The following SMCHD1 variants were observed in gnomAD, a reference collection of about 807,000 sequenced individuals.
The protein encoded by SMCHD1 is structural maintenance of chromosomes flexible hinge domain-containing protein 1.
A neutral mutation model predicts 254.7 loss-of-function variants in SMCHD1; 78 were observed. That is an observed-to-expected ratio of 0.31 (90% CI 0.26 to 0.37). The LOEUF is 0.37. Ranked by LOEUF, SMCHD1 falls within the 10% of genes least tolerant of loss-of-function variation. SMCHD1 has a pLI of 1.00. For synonymous variants in SMCHD1, 766 were observed against 794.9 expected (o/e 0.96, Z 0.61); for missense variants, 1,840 against 2,408.1 (o/e 0.76, Z 4.94).
intron 1 of SMCHD1, among the ~76,000 whole-genome samples, chr18:2,662,238 C>T (rs1045528000): frequency 6.7e-6 from 1 of 148,908 alleles, no homozygotes; most frequent in Non-Finnish European, 1.5e-5. Flanking sequence ...AAATAATAGA[C>T]TTATGTGGGA....
intron 5 of SMCHD1, among the ~76,000 whole-genome samples, chr18:2,681,284 G>A (rs2073916978): frequency 6.6e-6 from 1 of 151,844 alleles, no homozygotes; most frequent in Non-Finnish European, 1.5e-5. Flanking sequence ...GTGGTGGTGT[G>A]TGCTGGTAAT....
intron 1 of SMCHD1, among the ~76,000 whole-genome samples, chr18:2,663,192 G>T (rs773876263): frequency 4.6e-5 from 7 of 152,156 alleles, no homozygotes; most frequent in Non-Finnish European, 8.8e-5. Context: ...TGCAGCCTCG[G>T]CTTCCCAGGC....
intron 14 of SMCHD1, 44 bp downstream of exon 14, chr18:2,705,851 C>T: frequency 8.6e-7 from 1 of 1,163,744 alleles, no homozygotes; most frequent in East Asian, 2.4e-5. Context: ...TTCTTGATAA[C>T]ACTTTTGCAT....
chr18:2,674,738 A>G (rs1490649266), intron 5 of SMCHD1, among the ~76,000 whole-genome samples: 2 of 152,222 alleles, frequency 1.3e-5, no homozygotes, highest in Non-Finnish European at 2.9e-5. Flanking sequence ...GTCTTTTGAT[A>G]TTTTAAGCTA....
intron 25 of SMCHD1, 51 bp downstream of exon 25, chr18:2,732,543 GT>G: frequency 8.0e-7 from 1 of 1,254,266 alleles, no homozygotes; most frequent in South Asian, 1.5e-5. Flanking sequence ...TAAATTTTAT[GT>G]TTGTAAGACT....
At chr18:2,684,567 G>A (rs1256755033) in intron 5 of SMCHD1, among the ~76,000 whole-genome samples, 1 of 152,044 alleles carries the variant, frequency 6.6e-6, no homozygotes, top group African/African-American at 2.4e-5. Context: ...TTTAATTGGA[G>A]TGTTTAGATC....
intron 1 of SMCHD1, 54 bp downstream of exon 1, chr18:2,656,315 G>T: frequency 7.2e-7 from 1 of 1,380,204 alleles, no homozygotes; most frequent in African/African-American, 1.5e-5. Flanking sequence ...GCGGGAGGGT[G>T]ATGAGAAACT....
intron 27 of SMCHD1, among the ~76,000 whole-genome samples, chr18:2,739,846 A>G (rs2075315250): frequency 6.6e-6 from 1 of 152,092 alleles, no homozygotes; most frequent in African/African-American, 2.4e-5. Flanking sequence ...GTTACCCAGG[A>G]GGCTGAGGCG....
At chr18:2,709,216 A>G (rs2074607301) in intron 17 of SMCHD1, among the ~76,000 whole-genome samples, 1 of 118,440 alleles carries the variant, frequency 8.4e-6, no homozygotes, top group African/African-American at 3.4e-5. Flanking sequence ...TTGTGTGTGT[A>G]TATATGTGTA....
intron 14 of SMCHD1, 36 bp from the exon 15 acceptor site, chr18:2,706,328 G>C (rs1568189995): frequency 7.2e-7 from 1 of 1,391,810 alleles, no homozygotes; most frequent in East Asian, 2.5e-5. Context: ...GATTTAAATA[G>C]TTTTCTTTGA....
At chr18:2,766,466 T>C (rs573737038) in intron 37 of SMCHD1, among the ~76,000 whole-genome samples, 2 of 152,264 alleles carry the variant, frequency 1.3e-5, no homozygotes, top group Non-Finnish European at 2.9e-5. Context: ...GATATCTCAC[T>C]GAATCAATAG....
chr18:2,692,715 T>A (rs2074206632), intron 7 of SMCHD1, among the ~76,000 whole-genome samples: 1 of 152,368 alleles, frequency 6.6e-6, no homozygotes, highest in South Asian at 2.1e-4. Context: ...AGTCATCTGC[T>A]GGGTGACTGT....
At chr18:2,760,884 G>A (rs1894580630) in intron 35 of SMCHD1, 145 bp downstream of exon 35, 1 of 526,358 alleles carries the variant, frequency 1.9e-6, no homozygotes, top group Non-Finnish European at 3.4e-6. Context: ...GTAATTATTG[G>A]ATGTGAAATA....
chr18:2,746,866 A>G (rs1035993878), intron 29 of SMCHD1, among the ~76,000 whole-genome samples: 4 of 152,300 alleles, frequency 2.6e-5, no homozygotes, highest in Admixed American at 6.5e-5. Flanking sequence ...GCCCAATATT[A>G]ATAGGTCAGT....
intron 1 of SMCHD1, among the ~76,000 whole-genome samples, chr18:2,663,081 G>A (rs532635865): frequency 6.6e-6 from 1 of 152,024 alleles, no homozygotes; most frequent in Admixed American, 6.6e-5. Flanking sequence ...TATGTTGTCT[G>A]GTCTTTTTCT....
chr18:2,740,852 G>A (rs2075336661), intron 28 of SMCHD1, 31 bp downstream of exon 28: 1 of 1,351,390 alleles, frequency 7.4e-7, no homozygotes, highest in South Asian at 1.3e-5. Flanking sequence ...ATTTTGGTTT[G>A]ATTTATTCAT....
At chr18:2,662,200 TAAAGAAAG>T (rs142598745) in intron 1 of SMCHD1, among the ~76,000 whole-genome samples, 17,436 of 105,368 alleles carry the variant, frequency 0.17, 1,420 homozygotes, top group Non-Finnish European at 0.19. Flanking sequence ...AATAAATAAA[TAAAGAAAG>T]AAAGAAAGAA....
At chr18:2,659,776 AAAAAAAG>A (rs2073188794) in intron 1 of SMCHD1, among the ~76,000 whole-genome samples, 3 of 151,722 alleles carry the variant, frequency 2.0e-5, no homozygotes, top group Admixed American at 1.3e-4. Context: ...AAAAAAAAAA[AAAAAAAG>A]CAGAAAACTA....
chr18:2,698,407 A>G (rs2074329960), intron 10 of SMCHD1, among the ~76,000 whole-genome samples: 1 of 152,104 alleles, frequency 6.6e-6, no homozygotes, highest in East Asian at 1.9e-4. Flanking sequence ...ATTTTGTCTT[A>G]CTGTAGAAAG....
Sources: gnomAD v4.1 joint callset for allele counts (sites outside exome capture counted in the v4.1 genomes callset) on GRCh38, gnomAD v4.1.1 for gene constraint, MANE v1.5 for transcripts, NCBI Gene and HGNC (gene_info 2026-07-23, HGNC 2026-07-21) for gene names.